ERLIN1: variants seen among roughly 807,000 people sequenced by gnomAD.
The protein encoded by ERLIN1 is erlin-1.
Under a neutral mutation model 46.9 loss-of-function variants are expected in ERLIN1, and 24 were observed. The ratio of observed to expected loss-of-function variants is 0.51; its 90% CI spans 0.37 to 0.72. ERLIN1 has a LOEUF of 0.72. Ranked by LOEUF, ERLIN1 falls within the 30% of genes least tolerant of loss-of-function variation. The pLI is 0.00. For synonymous variants in ERLIN1, 158 were observed against 143.2 expected (o/e 1.10, Z -0.74); for missense variants, 293 against 417.9 (o/e 0.70, Z 2.61).
rs187936861 is a variant in ERLIN1, at chr10:100,183,017, G to A, written c.195+739C>T. ...TTATAATTAAACTCTCACTTAGCAG[G>A]AAGCCTAGACATAAGATTACAAGAT... On this transcript the variant is annotated intron_variant, in intron 2 of 10. Coordinates refer to ENST00000421367, the MANE Select transcript of ERLIN1 (RefSeq NM_006459.4). 6.6e-5 allele frequency among the ~76,000 whole-genome samples: 10 copies of A among 152,318 alleles called. 1 individual carries two copies. In the East Asian group the frequency reaches 1.5e-3, roughly 23 times the overall value.
intron 7 of ERLIN1, among the ~76,000 whole-genome samples, chr10:100,166,547 G>A (rs898398563): frequency 6.6e-6 from 1 of 152,124 alleles, no homozygotes; most frequent in African/African-American, 2.4e-5. Flanking sequence ...GTAACAAAAA[G>A]GACTCAGAAG....
chr10:100,157,105 C>T (rs76334566), intron 8 of ERLIN1, among the ~76,000 whole-genome samples: 11,387 of 152,140 alleles, frequency 0.075, 772 homozygotes, highest in African/African-American at 0.17. Context: ...AGCCAACAAG[C>T]GAAGACAACA....
intron 1 of ERLIN1, among the ~76,000 whole-genome samples, chr10:100,184,626 T>A (rs749412726): frequency 5.3e-5 from 8 of 152,228 alleles, no homozygotes; most frequent in Non-Finnish European, 1.0e-4. Context: ...CTTTGAGTCA[T>A]TCCTTGAAAT....
chr10:100,163,279 C>T (rs577358029), intron 8 of ERLIN1, among the ~76,000 whole-genome samples: 23 of 150,684 alleles, frequency 1.5e-4, no homozygotes, highest in African/African-American at 5.6e-4. Context: ...AAAGGATATA[C>T]ATCAACTTCA....
At chr10:100,179,499 C>T (rs1236892742) in intron 2 of ERLIN1, among the ~76,000 whole-genome samples, 2 of 151,870 alleles carry the variant, frequency 1.3e-5, no homozygotes, top group East Asian at 1.9e-4. Context: ...CTTTGTCACC[C>T]AGGCTGGAAT....
At chr10:100,153,786 C>G (rs1043674264) in intron 10 of ERLIN1, among the ~76,000 whole-genome samples, 2 of 152,206 alleles carry the variant, frequency 1.3e-5, no homozygotes, top group African/African-American at 2.4e-5. Flanking sequence ...TTGTGCCTGA[C>G]GAGCTTCTCC....
At chr10:100,152,720 T>C (rs1023927856) in intron 10 of ERLIN1, among the ~76,000 whole-genome samples, 3 of 152,302 alleles carry the variant, frequency 2.0e-5, no homozygotes, top group Admixed American at 2.0e-4. Flanking sequence ...TTCTCTTTTC[T>C]AAAAAAATTA....
intron 2 of ERLIN1, among the ~76,000 whole-genome samples, chr10:100,182,109 T>C (rs984191816): frequency 3.3e-5 from 5 of 152,016 alleles, no homozygotes. Flanking sequence ...TATTTTTGCA[T>C]CAGTATGACT....
intron 10 of ERLIN1, among the ~76,000 whole-genome samples, chr10:100,154,370 T>A (rs556861300): frequency 7.4e-4 from 113 of 152,312 alleles, no homozygotes; most frequent in Admixed American, 1.2e-3. Context: ...TGCATGTGTG[T>A]GTGGCAGTTA....
chr10:100,172,161 C>T (rs1026349925), intron 6 of ERLIN1, among the ~76,000 whole-genome samples: 8 of 152,136 alleles, frequency 5.3e-5, no homozygotes, highest in African/African-American at 1.9e-4. Context: ...TAGAGATTCA[C>T]TAAATATAAC....
intron 6 of ERLIN1, among the ~76,000 whole-genome samples, chr10:100,170,203 G>A (rs1222980697): frequency 6.6e-6 from 1 of 152,092 alleles, no homozygotes; most frequent in South Asian, 2.1e-4. Context: ...CAACCATATG[G>A]TAATGTGTTA....
In ERLIN1 at chr10:100,158,108, T is replaced by C. The variant is rs569166721; in HGVS notation, c.656-1874A>G. Among the ~76,000 whole-genome samples, 11 of 152,246 alleles carry C rather than the reference T, an allele frequency of 7.2e-5. No individual in the cohort carries two copies. The South Asian group carries it at 2.1e-3, about 29-fold the overall frequency. On this transcript the variant is annotated intron_variant, in intron 8 of 10. Transcript: ENST00000421367. ...GGAGTGGGACCTGGGTTTTTACCCA[T>C]GCAAGACCAGGAGATGAGGCCTTGT...
At chr10:100,175,531 G>C (rs1348419693) in intron 5 of ERLIN1, among the ~76,000 whole-genome samples, 1 of 152,170 alleles carries the variant, frequency 6.6e-6, no homozygotes, top group African/African-American at 2.4e-5. Context: ...TTTTGCTGGT[G>C]TGCCTTTGCC....
In ERLIN1 at chr10:100,185,534, G is replaced by C. The variant is rs765656709; in HGVS notation, c.93C>G (p.Gly31=). 1 of 1,613,274 alleles carries C rather than the reference G, an allele frequency of 6.2e-7. No homozygotes were observed. The highest frequency in any genetic ancestry group is 2.2e-5 in the East Asian group (1 of 44,862). Reference sequence around the variant, plus strand: ...CTCACCTGTAGTACACAGCCAGATGGCCCTCCTCAATCTTGTGGATGGAGG... The same window carrying C: ...CTCACCTGTAGTACACAGCCAGATGCCCCTCCTCAATCTTGTGGATGGAGG... ...LYASIHKIEE[G]HLAVYYRGGA... Residue 31 remains glycine, a synonymous_variant, in exon 1 of 11, where the codon GGC becomes GGG. Transcript: ENST00000421367.
At chr10:100,153,056 G>C (rs951419885) in intron 10 of ERLIN1, among the ~76,000 whole-genome samples, 1 of 152,220 alleles carries the variant, frequency 6.6e-6, no homozygotes, top group African/African-American at 2.4e-5. Flanking sequence ...CAGTGGATGA[G>C]AGCAGAACTT....
intron 2 of ERLIN1, among the ~76,000 whole-genome samples, chr10:100,181,658 G>A (rs563238727): frequency 3.5e-4 from 53 of 152,070 alleles, no homozygotes; most frequent in South Asian, 6.2e-4. Context: ...GGGATTACAG[G>A]CACGCACAAC....
Position 100,185,388 on chromosome 10 carries a change from C to T in ERLIN1, c.113+126G>A, listed in dbSNP as rs568000908. On this transcript the variant is annotated intron_variant, in intron 1 of 10. Coordinates refer to ENST00000421367, the MANE Select transcript of ERLIN1 (RefSeq NM_006459.4). ...GCTCCGCAAAAGCCCGCTTCGACCC[C>T]CGTGCTCTCCCTAGAGATGGGACAT... is the stretch of plus-strand genomic sequence containing the variant. 6.0e-5 allele frequency: 42 copies of T among 703,742 alleles called. No individual in the cohort carries two copies. In the South Asian group the frequency reaches 7.5e-4, roughly 13 times the overall value. 43.6% of individuals were successfully genotyped at this position (703,742 alleles called of 1,614,324 possible). A position where few individuals can be genotyped will look rare whatever the true frequency, so the allele number is the denominator to read the frequency against.
At chr10:100,170,465 G>C (rs960771432) in intron 6 of ERLIN1, among the ~76,000 whole-genome samples, 3 of 152,124 alleles carry the variant, frequency 2.0e-5, no homozygotes, top group Non-Finnish European at 2.9e-5. Context: ...TATAAAAACA[G>C]CAAATAAATA....
intron 10 of ERLIN1, among the ~76,000 whole-genome samples, chr10:100,154,203 C>T (rs552494531): frequency 8.5e-5 from 13 of 152,276 alleles, no homozygotes; most frequent in African/African-American, 2.2e-4. Flanking sequence ...AGCCCTGTAC[C>T]GTCTAGCCAG....
Sources: gnomAD v4.1 joint callset for allele counts (sites outside exome capture counted in the v4.1 genomes callset) on GRCh38, gnomAD v4.1.1 for gene constraint, MANE v1.5 for transcripts, NCBI Gene and HGNC (gene_info 2026-07-23, HGNC 2026-07-21) for gene names.